Variants in CHN1 observed in about 807,000 individuals in gnomAD.
The protein encoded by CHN1 is N-chimaerin.
CHN1 carries 37 observed loss-of-function variants against 59.5 expected under a neutral mutation model. That is an observed-to-expected ratio of 0.62 (90% CI 0.48 to 0.82). The LOEUF (loss-of-function observed/expected upper bound fraction) is 0.82. CHN1 is among the 40% of genes least tolerant of loss of function. The pLI is 0.00. For synonymous variants in CHN1, 206 were observed against 200.4 expected, an observed-to-expected ratio of 1.03 and a Z score of -0.24; for missense variants, 469 against 571.0, an observed-to-expected ratio of 0.82 and a Z score of 1.82.
Position 174,964,011 on chromosome 2 carries a change from C to T in CHN1, c.20-11809G>A, listed in dbSNP as rs1690510339. Among the ~76,000 whole-genome samples the T allele has an allele frequency of 2.0e-5, 3 of 152,118 alleles. 1 individual carries two copies. Among genetic ancestry groups the T allele is most frequent in the African/African-American group, 7.2e-5 (3 of 41,422 alleles). On this transcript the variant is annotated intron_variant, in intron 1 of 12. Coordinates refer to ENST00000409900, the MANE Select transcript of CHN1 (RefSeq NM_001822.7). Reference sequence around the variant, plus strand: ...AGATCAAAATAAGCCTAAGTTAATTCGTATGTACAGTACAACCTTGTCAGA... The same window carrying T: ...AGATCAAAATAAGCCTAAGTTAATTTGTATGTACAGTACAACCTTGTCAGA...
intron 3 of CHN1, chr2:174,920,859 T>C (rs1427431024): frequency 1.6e-5 from 6 of 375,294 alleles, no homozygotes; most frequent in Admixed American, 1.5e-4. Context: ...ATACTCACCA[T>C]AATGTAGAAT....
chr2:174,959,646 G>A (rs1385592867), intron 1 of CHN1, among the ~76,000 whole-genome samples: 2 of 152,148 alleles, frequency 1.3e-5, no homozygotes, highest in Non-Finnish European at 2.9e-5. Context: ...GGCAAGAAGA[G>A]GCAGAGACAT....
rs190419090 is a variant in CHN1 at position 174,897,078 on chromosome 2, T to C, written c.260+17980A>G. On this transcript the variant is annotated intron_variant, in intron 5 of 12. Coordinates refer to ENST00000409900, the MANE Select transcript of CHN1 (RefSeq NM_001822.7). ...AGATTCTGGCAAATTCTAAAATTGG[T>C]GTATTCTCTGTGTGTTCTGGCAAAA... 4.1e-4 allele frequency among the ~76,000 whole-genome samples: 63 copies of C among 152,270 alleles called. No homozygotes were observed. The East Asian group carries it at 0.011, about 27-fold the overall frequency.
intron 7 of CHN1, among the ~76,000 whole-genome samples, chr2:174,840,441 C>T (rs1444061309): frequency 2.6e-5 from 4 of 152,140 alleles, no homozygotes; most frequent in African/African-American, 9.7e-5. Context: ...GTAGGGATTA[C>T]AGGCATGAGC....
At chr2:174,969,259 A>G (rs1046499896) in intron 1 of CHN1, among the ~76,000 whole-genome samples, 1 of 152,120 alleles carries the variant, frequency 6.6e-6, no homozygotes, top group Non-Finnish European at 1.5e-5. Flanking sequence ...TAAAAGCCAA[A>G]CTCTTTACAA....
At chr2:174,902,638 T>C (rs1015681923) in intron 5 of CHN1, among the ~76,000 whole-genome samples, 3 of 152,142 alleles carry the variant, frequency 2.0e-5, no homozygotes, top group Admixed American at 6.5e-5. Flanking sequence ...ACAAGAAGGT[T>C]TGCAGGAAAT....
intron 3 of CHN1, among the ~76,000 whole-genome samples, chr2:174,923,171 C>A (rs1002429480): frequency 1.3e-5 from 2 of 151,128 alleles, no homozygotes; most frequent in Admixed American, 6.6e-5. Flanking sequence ...GACGGAGTCT[C>A]GCTCTGTCAC....
intron 1 of CHN1, among the ~76,000 whole-genome samples, chr2:174,958,737 G>C (rs1226641535): frequency 6.6e-6 from 1 of 152,070 alleles, no homozygotes; most frequent in African/African-American, 2.4e-5. Context: ...AACAACATAG[G>C]TTTGTTGTTG....
intron 8 of CHN1, among the ~76,000 whole-genome samples, chr2:174,818,857 A>G (rs1685373687): frequency 6.6e-6 from 1 of 152,232 alleles, no homozygotes; most frequent in African/African-American, 2.4e-5. Flanking sequence ...GAAAGCACAG[A>G]AATCAATTTT....
intron 7 of CHN1, chr2:174,846,206 C>G: frequency 7.2e-7 from 1 of 1,384,508 alleles, no homozygotes; most frequent in Non-Finnish European, 9.6e-7. Flanking sequence ...TAAATACAGA[C>G]TAGATCTACA....
intron 4 of CHN1, among the ~76,000 whole-genome samples, chr2:174,915,845 G>A (rs993950506): frequency 1.3e-5 from 2 of 152,118 alleles, no homozygotes; most frequent in Non-Finnish European, 2.9e-5. Flanking sequence ...AAAAATGTCA[G>A]TTGTGACACA....
At chr2:174,946,894 A>G (rs1574198829) in intron 2 of CHN1, among the ~76,000 whole-genome samples, 1 of 116,266 alleles carries the variant, frequency 8.6e-6, no homozygotes, top group East Asian at 2.7e-4. Context: ...CTGTCTCTAA[A>G]AAATGTAAAA....
intron 1 of CHN1, among the ~76,000 whole-genome samples, chr2:174,962,063 G>C (rs1374534598): frequency 3.3e-5 from 5 of 152,126 alleles, no homozygotes; most frequent in Admixed American, 1.3e-4. Context: ...GAGGCAGACA[G>C]ATCACGAGGT....
chr2:174,805,504 A>G (rs550555527), intron 11 of CHN1, among the ~76,000 whole-genome samples: 2 of 152,346 alleles, frequency 1.3e-5, no homozygotes, highest in East Asian at 3.9e-4. Context: ...GTGAAGTAGG[A>G]AGACAAAACG....
chr2:174,915,967 C>T (rs1688836916), intron 4 of CHN1, among the ~76,000 whole-genome samples: 1 of 152,122 alleles, frequency 6.6e-6, no homozygotes, highest in South Asian at 2.1e-4. Context: ...GACATGTCAC[C>T]CCAAAATATG....
At chr2:174,808,779 A>G in intron 11 of CHN1, 126 bp downstream of exon 11, 3 of 983,314 alleles carry the variant, frequency 3.1e-6, no homozygotes, top group Non-Finnish European at 4.7e-6. Flanking sequence ...TTGTAAGTAC[A>G]TTAACCATAG....
intron 7 of CHN1, among the ~76,000 whole-genome samples, chr2:174,827,564 T>C (rs961709091): frequency 2.6e-5 from 4 of 152,090 alleles, no homozygotes; most frequent in Admixed American, 6.6e-5. Flanking sequence ...AAATTTGTAT[T>C]CTGTCCAGTG....
intron 1 of CHN1, among the ~76,000 whole-genome samples, chr2:174,974,253 T>C (rs1474638590): frequency 6.6e-6 from 1 of 152,204 alleles, no homozygotes; most frequent in Admixed American, 6.5e-5. Context: ...TATTTGTTAT[T>C]CAAAAAGCAG....
chr2:174,943,357 G>A (rs1176098347), intron 3 of CHN1, among the ~76,000 whole-genome samples: 1 of 151,986 alleles, frequency 6.6e-6, no homozygotes, highest in African/African-American at 2.4e-5. Flanking sequence ...CTCCTGAGTA[G>A]CTGGGATTAC....
Sources: allele counts gnomAD v4.1 joint callset (sites outside exome capture counted in the v4.1 genomes callset), GRCh38; gene constraint gnomAD v4.1.1; transcripts MANE v1.5; gene names NCBI Gene and HGNC (gene_info 2026-07-23, HGNC 2026-07-21).